SLC24A2: variants seen among roughly 807,000 people sequenced by gnomAD.
The protein encoded by SLC24A2 is sodium/potassium/calcium exchanger 2.
In SLC24A2, 36 loss-of-function variants were observed where a neutral mutation model predicts 62.0. The ratio of observed to expected loss-of-function variants is 0.58; its 90% CI spans 0.44 to 0.77. The LOEUF (loss-of-function observed/expected upper bound fraction) is 0.77, where lower values mean the gene tolerates loss of function less well. Ranked by LOEUF, SLC24A2 falls within the 30% of genes least tolerant of loss-of-function variation. The pLI, the probability that SLC24A2 is intolerant of heterozygous loss-of-function variation, is 0.00. For synonymous variants in SLC24A2, 358 were observed against 294.0 expected (o/e 1.22, Z -2.23); for missense variants, 846 against 817.9 (o/e 1.03, Z -0.42).
chr9:20,179,170 G>C, the SLC24A2 span, among the ~76,000 whole-genome samples: 1 of 152,128 alleles, frequency 6.6e-6, no homozygotes, highest in Admixed American at 6.6e-5. Flanking sequence ...TAGAAATCAT[G>C]AGTAAGTGGA....
At chr9:19,901,901 T>C in the SLC24A2 span, among the ~76,000 whole-genome samples, 1 of 152,218 alleles carries the variant, frequency 6.6e-6, no homozygotes, top group Admixed American at 6.5e-5. Flanking sequence ...CAGTAGGCAA[T>C]GGTGGCAGTG....
At chr9:19,725,177 G>A (rs921649594) in intron 2 of SLC24A2, among the ~76,000 whole-genome samples, 7 of 152,126 alleles carry the variant, frequency 4.6e-5, no homozygotes, top group Admixed American at 2.0e-4. Context: ...TCTAGAAGGT[G>A]GAGACCAGAG....
the SLC24A2 span, among the ~76,000 whole-genome samples, chr9:19,864,989 C>A: frequency 6.6e-6 from 1 of 151,670 alleles, no homozygotes; most frequent in African/African-American, 2.4e-5. Context: ...AATAAAGTTG[C>A]AGGATACAAA....
At chr9:19,628,546 C>A (rs1182244637) in intron 2 of SLC24A2, among the ~76,000 whole-genome samples, 2 of 152,138 alleles carry the variant, frequency 1.3e-5, no homozygotes, top group African/African-American at 4.8e-5. Context: ...CTTTGTTGTA[C>A]CATTTCAGCA....
At chr9:20,130,967 T>G in the SLC24A2 span, among the ~76,000 whole-genome samples, 1 of 151,184 alleles carries the variant, frequency 6.6e-6, no homozygotes, top group African/African-American at 2.5e-5. Flanking sequence ...TGCCCTTATC[T>G]CCTGCATGGG....
At chr9:20,020,412 T>A in the SLC24A2 span, among the ~76,000 whole-genome samples, 1 of 152,176 alleles carries the variant, frequency 6.6e-6, no homozygotes, top group Non-Finnish European at 1.5e-5. Flanking sequence ...TGAGTTCATG[T>A]CCTTTGCAAG....
At chr9:19,523,786 G>C (rs1357864241) in intron 9 of SLC24A2, among the ~76,000 whole-genome samples, 1 of 152,124 alleles carries the variant, frequency 6.6e-6, no homozygotes. Flanking sequence ...TTATAACTCA[G>C]ACATTACTCC....
chr9:19,792,562 G>A (rs1366275710), upstream of SLC24A2, among the ~76,000 whole-genome samples: 2 of 135,652 alleles, frequency 1.5e-5, no homozygotes, highest in Non-Finnish European at 3.2e-5. Flanking sequence ...AAAAAAAAAT[G>A]CTGGGTGTGG....
At chr9:19,630,129 A>C (rs1016582446) in intron 2 of SLC24A2, among the ~76,000 whole-genome samples, 1 of 152,198 alleles carries the variant, frequency 6.6e-6, no homozygotes, top group Admixed American at 6.5e-5. Context: ...GAATATACTT[A>C]AGAGGATTAC....
At chr9:19,679,434 G>A (rs907854739) in intron 2 of SLC24A2, among the ~76,000 whole-genome samples, 1 of 152,086 alleles carries the variant, frequency 6.6e-6, no homozygotes, top group African/African-American at 2.4e-5. Context: ...AAATCATGAT[G>A]GTTAAGTTTC....
At position 19,514,780 on chromosome 9, in the gene SLC24A2, C is replaced by T. The variant is rs1262678020; in HGVS notation, c.*1373G>A. 3 of 152,122 alleles carry T rather than the reference C, an allele frequency of 2.0e-5. No individual in the cohort carries two copies. The highest frequency in any genetic ancestry group is 4.4e-5 in the Non-Finnish European group (3 of 68,038). 9.4% of individuals were successfully genotyped at this position (152,122 alleles called of 1,614,324 possible). ...GATGTTACAAGAACTTTAACCAAAG[C>T]CTGGTCCTGGTACCACTCGACCTGG... On this transcript the variant is annotated 3_prime_UTR_variant, in exon 11 of 11. Transcript: ENST00000341998.
chr9:19,915,533 T>C, the SLC24A2 span, among the ~76,000 whole-genome samples: 2 of 152,148 alleles, frequency 1.3e-5, no homozygotes, highest in African/African-American at 4.8e-5. Flanking sequence ...CACCATTTAA[T>C]AATATATTCC....
intron 7 of SLC24A2, among the ~76,000 whole-genome samples, chr9:19,569,023 G>T (rs191281071): frequency 5.4e-4 from 82 of 152,236 alleles, no homozygotes; most frequent in African/African-American, 1.9e-3. Context: ...ATGTATTGGA[G>T]GTCATTCCAT....
chr9:19,531,644 A>C (rs1283865047), intron 8 of SLC24A2, among the ~76,000 whole-genome samples: 1 of 151,574 alleles, frequency 6.6e-6, no homozygotes, highest in Non-Finnish European at 1.5e-5. Context: ...ACAAATATTC[A>C]CTCAGCATCT....
intron 2 of SLC24A2, among the ~76,000 whole-genome samples, chr9:19,779,235 A>T (rs1221269584): frequency 2.6e-5 from 4 of 152,244 alleles, no homozygotes; most frequent in African/African-American, 7.2e-5. Flanking sequence ...GTTGGGAGGC[A>T]CTAATCCTCA....
chr9:19,791,526 C>T (rs777462568), upstream of SLC24A2, among the ~76,000 whole-genome samples: 45 of 152,152 alleles, frequency 3.0e-4, no homozygotes, highest in Non-Finnish European at 5.9e-4. Flanking sequence ...GATCCATATT[C>T]GACTCAAGAT....
At chr9:19,956,476 G>C in the SLC24A2 span, among the ~76,000 whole-genome samples, 3 of 152,222 alleles carry the variant, frequency 2.0e-5, no homozygotes, top group East Asian at 1.9e-4. Flanking sequence ...CTGTTTTCAC[G>C]CTGATAAAGA....
chr9:20,180,704 C>G, the SLC24A2 span, among the ~76,000 whole-genome samples: 1 of 152,190 alleles, frequency 6.6e-6, no homozygotes, highest in East Asian at 1.9e-4. Context: ...CACTCCTCAA[C>G]TAACCTGTGC....
the SLC24A2 span, among the ~76,000 whole-genome samples, chr9:20,030,141 G>A: frequency 6.6e-6 from 1 of 152,184 alleles, no homozygotes; most frequent in Non-Finnish European, 1.5e-5. Context: ...GCAGGACTGA[G>A]CCCCTGCACT....
Sources: gnomAD v4.1 joint callset for allele counts (sites outside exome capture counted in the v4.1 genomes callset) on GRCh38, gnomAD v4.1.1 for gene constraint, MANE v1.5 for transcripts, NCBI Gene and HGNC (gene_info 2026-07-23, HGNC 2026-07-21) for gene names.